Variants in ANKMY1 observed in about 807,000 individuals in gnomAD.
ANKMY1 encodes the protein ankyrin repeat and MYND domain-containing protein 1.
Under a neutral mutation model 102.0 loss-of-function variants are expected in ANKMY1, and 98 were observed. The observed-to-expected ratio is 0.96, with a 90% CI of 0.82 to 1.14. The LOEUF (loss-of-function observed/expected upper bound fraction) is 1.14. Ranked by LOEUF, ANKMY1 falls within the 50% of genes most tolerant of loss-of-function variation. The pLI, the probability that ANKMY1 is intolerant of heterozygous loss-of-function variation, is 0.00. For missense variants in ANKMY1, 1,330 were observed against 1,347.6 expected, an observed-to-expected ratio of 0.99 and a Z score of 0.20; for synonymous variants, 582 against 559.9, an observed-to-expected ratio of 1.04 and a Z score of -0.56.
At chr2:240,479,942 T>C (rs1329703838) in intron 17 of ANKMY1, among the ~76,000 whole-genome samples, 1 of 152,092 alleles carries the variant, frequency 6.6e-6, no homozygotes, top group Non-Finnish European at 1.5e-5. Flanking sequence ...CTGCGCGCGG[T>C]GGCTCATGCC....
upstream of ANKMY1, chr2:240,560,469 C>A: frequency 1.5e-6 from 1 of 673,402 alleles, no homozygotes; most frequent in Non-Finnish European, 2.1e-6. Context: ...GAGGCCCAAA[C>A]CTCCCGCCAT....
At chr2:240,531,394 T>C (rs956412892) in intron 4 of ANKMY1, among the ~76,000 whole-genome samples, 1 of 152,228 alleles carries the variant, frequency 6.6e-6, no homozygotes, top group African/African-American at 2.4e-5. Flanking sequence ...TGGGTATTTA[T>C]CCAAGTGAAA....
At chr2:240,526,544 T>G in intron 5 of ANKMY1, 99 bp from the exon 6 acceptor site, 1 of 1,540,846 alleles carries the variant, frequency 6.5e-7, no homozygotes, top group Non-Finnish European at 8.7e-7. Flanking sequence ...CTCTCCCTCT[T>G]GTGGCTCAGC....
intron 5 of ANKMY1, 180 bp from the exon 6 acceptor site, chr2:240,526,625 G>A: frequency 6.9e-7 from 1 of 1,448,118 alleles, no homozygotes; most frequent in South Asian, 1.4e-5. Context: ...AATCCACTAG[G>A]TTGCACACGG....
At chr2:240,473,844 TA>T in the ANKMY1 span, among the ~76,000 whole-genome samples, 13 of 152,172 alleles carry the variant, frequency 8.5e-5, no homozygotes, top group African/African-American at 3.1e-4. Flanking sequence ...CTCAACAAAC[TA>T]GATACAGAAG....
chr2:240,493,349 A>C (rs2076869998), intron 15 of ANKMY1, among the ~76,000 whole-genome samples: 1 of 152,162 alleles, frequency 6.6e-6, no homozygotes, highest in Non-Finnish European at 1.5e-5. Context: ...CTTTTTGGTT[A>C]AGACCTATTG....
At chr2:240,508,322 A>G (rs182076850) in intron 12 of ANKMY1, among the ~76,000 whole-genome samples, 2 of 152,272 alleles carry the variant, frequency 1.3e-5, no homozygotes, top group Admixed American at 6.5e-5. Context: ...AACAGGGCCT[A>G]GCCCTGAGCA....
chr2:240,479,663 A>C lies in ANKMY1; in HGVS notation c.3047-8T>G, dbSNP rs1021831342. ...CTTGCTCCAGTTGTGTCACTGGAGG[A>C]GGAAAAGGTGTGGGGGAGGGGGAAG... On this transcript the variant is annotated splice_region_variant and splice_polypyrimidine_tract_variant and intron_variant, in intron 17 of 17. Transcript: ENST00000401804. 6.8e-6 allele frequency: 11 copies of C among 1,612,914 alleles called. No individual in the cohort carries two copies. The highest frequency in any genetic ancestry group is 9.3e-6 in the Non-Finnish European group (11 of 1,179,828).
At chr2:240,511,748 G>T in intron 11 of ANKMY1, 113 bp downstream of exon 11, 1 of 1,340,628 alleles carries the variant, frequency 7.5e-7, no homozygotes, top group Non-Finnish European at 9.8e-7. Context: ...AAGCTCCCTG[G>T]CTTCTGCCTA....
chr2:240,526,010 T>G (rs2083310840), intron 6 of ANKMY1, 161 bp from the exon 7 acceptor site: 1 of 1,025,422 alleles, frequency 9.8e-7, no homozygotes, highest in Non-Finnish European at 1.4e-6. Flanking sequence ...GACAGAGGAA[T>G]GGAACAGGCA....
At chr2:240,539,113 A>G (rs952308301) in intron 4 of ANKMY1, among the ~76,000 whole-genome samples, 2 of 152,342 alleles carry the variant, frequency 1.3e-5, no homozygotes, top group Admixed American at 6.5e-5. Flanking sequence ...GTGGCAACCC[A>G]CTGGGGTCCC....
rs538965711 is a variant in ANKMY1 at position 240,517,798 on chromosome 2, C to A, written c.2004+2564G>T. On this transcript the variant is annotated intron_variant, in intron 9 of 17. Coordinates refer to ENST00000401804, the MANE Select transcript of ANKMY1 (RefSeq NM_001282771.3). ...TGCAGCCTAGGTGACAGAGTGGGACCCTGCCTCAAAAGAAAAAAAAGGACA... is the reference window on the plus strand; with the variant it reads ...TGCAGCCTAGGTGACAGAGTGGGACACTGCCTCAAAAGAAAAAAAAGGACA... Among the ~76,000 whole-genome samples the A allele has an allele frequency of 3.3e-5, 5 of 152,154 alleles. No individual in the cohort carries two copies. The East Asian group carries it at 9.7e-4, about 29-fold the overall frequency.
chr2:240,549,346 C>T (rs909221408), intron 4 of ANKMY1, among the ~76,000 whole-genome samples: 9 of 150,624 alleles, frequency 6.0e-5, no homozygotes, highest in South Asian at 2.1e-4. Flanking sequence ...CTTCCTTACA[C>T]CTTATACAAA....
intron 2 of ANKMY1, 87 bp downstream of exon 2, chr2:240,557,103 A>AT: frequency 2.2e-6 from 3 of 1,351,394 alleles, no homozygotes; most frequent in Non-Finnish European, 2.9e-6. Context: ...CAGTTCAGGG[A>AT]TTTTTACTGC....
chr2:240,520,735 C>T lies in ANKMY1; in HGVS notation c.1833-202G>A, dbSNP rs555716816. On this transcript the variant is annotated intron_variant, in intron 8 of 17. Transcript: ENST00000401804. This position sits in a 1 kb window ranked among gnomAD's most constrained non-coding sequence, Gnocchi z 4.8. Reference sequence around the variant, plus strand: ...CAACTACACACAAGCCACACCAGAGCGCACACACACGGCACACACAGCACA... The same window carrying T: ...CAACTACACACAAGCCACACCAGAGTGCACACACACGGCACACACAGCACA... Among the ~76,000 whole-genome samples the T allele has an allele frequency of 3.3e-5, 5 of 151,122 alleles. No homozygotes were observed. The East Asian group carries it at 7.8e-4, about 23-fold the overall frequency.
chr2:240,558,632 G>C (rs2092673015), upstream of ANKMY1: 5 of 152,354 alleles, frequency 3.3e-5, no homozygotes, highest in South Asian at 1.0e-3. Context: ...GCAAAGAGGG[G>C]AGAGGCTCTT....
At chr2:240,509,169 G>A (rs1195187422) in intron 12 of ANKMY1, among the ~76,000 whole-genome samples, 179 bp downstream of exon 12, 1 of 149,804 alleles carries the variant, frequency 6.7e-6, no homozygotes, top group Non-Finnish European at 1.5e-5. Context: ...GGAAGAGTGA[G>A]TGAATGGGTA....
chr2:240,525,876 G>A, intron 6 of ANKMY1, 27 bp from the exon 7 acceptor site: 1 of 1,609,992 alleles, frequency 6.2e-7, no homozygotes, highest in Non-Finnish European at 8.5e-7. Context: ...CAGGACTCAG[G>A]ATGATGCACC....
At position 240,529,509 on chromosome 2, in the gene ANKMY1, C is replaced by T. The variant is rs748716532; in HGVS notation, c.481G>A (p.Gly161Arg). ...TMYMKTRLFQ[G>R]LYKADQRFGP... is the part of the protein sequence containing the mutation. ...AACCGCTGGTCCGCTTTGTATAGCC[C>T]CTGCCAAGGAAGCGCAATAGACCGA... The change falls in exon 5 of 18, where the codon GGG (glycine) becomes AGG (arginine). Residue 161 changes from glycine (G) to arginine (R), a missense_variant and splice_region_variant. By Grantham distance (125) the Gly-to-Arg change is moderately radical. Transcript: ENST00000401804. The surrounding 1 kb of genome is among the most constrained non-coding windows in gnomAD (Gnocchi z 4.2). The T allele has an allele frequency of 6.2e-7, 1 of 1,608,622 alleles. No individual in the cohort carries two copies. The highest frequency in any genetic ancestry group is 8.5e-7 in the Non-Finnish European group (1 of 1,176,926).
Sources: allele counts gnomAD v4.1 joint callset (sites outside exome capture counted in the v4.1 genomes callset), GRCh38; gene constraint gnomAD v4.1.1; non-coding constraint Gnocchi (gnomAD v3.1); transcripts MANE v1.5; gene names NCBI Gene and HGNC (gene_info 2026-07-23, HGNC 2026-07-21).